CORO2A: variants seen among roughly 807,000 people sequenced by gnomAD.
CORO2A encodes coronin-2A.
Under a neutral mutation model 62.4 loss-of-function variants are expected in CORO2A, and 47 were observed. The ratio of observed to expected loss-of-function variants is 0.75; its 90% CI spans 0.60 to 0.96. The LOEUF is 0.96. Among genes scored for constraint, CORO2A ranks in the 40% least tolerant of loss-of-function variants. CORO2A has a pLI of 0.00. For missense variants in CORO2A, 610 were observed against 684.1 expected (o/e 0.89, Z 1.21); for synonymous variants, 273 against 268.9 (o/e 1.02, Z -0.15).
intron 1 of CORO2A, among the ~76,000 whole-genome samples, chr9:98,187,844 C>G (rs1168158069): frequency 6.6e-6 from 1 of 152,174 alleles, no homozygotes; most frequent in Non-Finnish European, 1.5e-5. Flanking sequence ...ATGTTCCTAC[C>G]CAATTCAAAA....
chr9:98,181,860 G>C (rs536044798), intron 1 of CORO2A, among the ~76,000 whole-genome samples: 1 of 152,034 alleles, frequency 6.6e-6, no homozygotes, highest in Non-Finnish European at 1.5e-5. Flanking sequence ...AAAGGAACCC[G>C]CAACAAAGAA....
intron 2 of CORO2A, among the ~76,000 whole-genome samples, chr9:98,140,942 A>G (rs1478079512): frequency 6.6e-6 from 1 of 152,210 alleles, no homozygotes; most frequent in Non-Finnish European, 1.5e-5. Context: ...AGATTACAGT[A>G]TTATCACAAC....
In CORO2A at chr9:98,128,575, C is replaced by T. The variant is rs865850359; in HGVS notation, c.1080+32G>A. The T allele has an allele frequency of 1.9e-6, 3 of 1,592,342 alleles. No individual in the cohort carries two copies. The South Asian group carries it at 3.3e-5, about 18-fold the overall frequency. ...TGTCTTCTCCAGGACAGGTTCCCCA[C>T]CTGCCTCCCATGCGGTCCCGACTGC... On this transcript the variant is annotated intron_variant, in intron 9 of 11. Coordinates refer to ENST00000375077, the MANE Select transcript of CORO2A (RefSeq NM_052820.4).
intron 1 of CORO2A, among the ~76,000 whole-genome samples, chr9:98,178,711 G>A (rs1828140621): frequency 2.0e-5 from 3 of 152,170 alleles, no homozygotes; most frequent in African/African-American, 4.8e-5. Flanking sequence ...TCTCCACCTG[G>A]CAAATGTGAC....
intron 1 of CORO2A, among the ~76,000 whole-genome samples, chr9:98,157,988 C>G (rs1019640039): frequency 2.6e-5 from 4 of 152,204 alleles, no homozygotes; most frequent in Non-Finnish European, 2.9e-5. Flanking sequence ...TCTGCTGTTT[C>G]ACCAGACAGC....
At chr9:98,144,188 C>T (rs994624330) in intron 2 of CORO2A, among the ~76,000 whole-genome samples, 17 of 129,770 alleles carry the variant, frequency 1.3e-4, no homozygotes, top group Non-Finnish European at 2.3e-4. Flanking sequence ...GATCCTGTTT[C>T]GAAGAAAAAA....
intron 1 of CORO2A, among the ~76,000 whole-genome samples, chr9:98,168,032 T>G (rs1827984694): frequency 6.6e-6 from 1 of 152,222 alleles, no homozygotes; most frequent in African/African-American, 2.4e-5. Context: ...GCCCCGGAGC[T>G]TGACTGTCAG....
intron 1 of CORO2A, among the ~76,000 whole-genome samples, chr9:98,181,167 T>C (rs1412126358): frequency 6.6e-6 from 1 of 151,086 alleles, no homozygotes; most frequent in Non-Finnish European, 1.5e-5. Flanking sequence ...CCCATGTTGC[T>C]TGTGTCCCCC....
chr9:98,180,231 C>T (rs1300707475), intron 1 of CORO2A, among the ~76,000 whole-genome samples: 1 of 152,128 alleles, frequency 6.6e-6, no homozygotes, highest in African/African-American at 2.4e-5. Context: ...CATCGCATCC[C>T]ATATAGGCCT....
intron 5 of CORO2A, 26 bp from the exon 6 acceptor site, chr9:98,132,327 T>A: frequency 6.3e-7 from 1 of 1,591,350 alleles, no homozygotes; most frequent in Non-Finnish European, 8.6e-7. Flanking sequence ...CGGTCGGTAT[T>A]GGAGAGACAG....
At chr9:98,159,438 T>G (rs867366936) in intron 1 of CORO2A, among the ~76,000 whole-genome samples, 3 of 151,950 alleles carry the variant, frequency 2.0e-5, no homozygotes, top group Non-Finnish European at 2.9e-5. Context: ...TCTGGCTGGG[T>G]CTCATTCCAT....
At chr9:98,126,352 T>A (rs1222416965) in intron 11 of CORO2A, among the ~76,000 whole-genome samples, 197 bp downstream of exon 11, 1 of 152,136 alleles carries the variant, frequency 6.6e-6, no homozygotes, top group South Asian at 2.1e-4. Context: ...TCTTTATGTA[T>A]GCCCATCATT....
chr9:98,150,733 T>C (rs1827711560), intron 2 of CORO2A, among the ~76,000 whole-genome samples: 1 of 152,248 alleles, frequency 6.6e-6, no homozygotes, highest in African/African-American at 2.4e-5. Context: ...GCAGTTTGTT[T>C]GGTGGACGTA....
chr9:98,137,091 C>A (rs1474562131), intron 3 of CORO2A, among the ~76,000 whole-genome samples: 1 of 152,050 alleles, frequency 6.6e-6, no homozygotes, highest in African/African-American at 2.4e-5. Context: ...GGGATGATAA[C>A]CCTGGTACAG....
At chr9:98,138,237 A>T (rs1006092530) in intron 2 of CORO2A, among the ~76,000 whole-genome samples, 1 of 151,756 alleles carries the variant, frequency 6.6e-6, no homozygotes, top group African/African-American at 2.4e-5. Flanking sequence ...CAACATGGTG[A>T]AACCCTGTCT....
intron 10 of CORO2A, among the ~76,000 whole-genome samples, chr9:98,127,658 C>T (rs751259744): frequency 2.6e-5 from 4 of 151,544 alleles, no homozygotes; most frequent in African/African-American, 7.3e-5. Context: ...ACTAAAAATA[C>T]GAAAAATTAG....
Position 98,133,945 on chromosome 9 carries a change from TG to T in CORO2A, c.469-729del, listed in dbSNP as rs544058729. On this transcript the variant is annotated intron_variant, in intron 4 of 11. Coordinates refer to ENST00000375077, the MANE Select transcript of CORO2A (RefSeq NM_052820.4). ...AATTTTTTCTATTTTTTTGTAGAGA[TG>T]GGGTCTCACTATGTTGGCTGGTCTC... is the stretch of plus-strand genomic sequence containing the variant. Among the ~76,000 whole-genome samples, 15 of 151,802 alleles carry T rather than the reference TG, an allele frequency of 9.9e-5. No homozygotes were observed. In the East Asian group the frequency reaches 2.9e-3, roughly 29 times the overall value.
chr9:98,164,549 G>T (rs1167023146), intron 1 of CORO2A, among the ~76,000 whole-genome samples: 1 of 152,054 alleles, frequency 6.6e-6, no homozygotes, highest in Non-Finnish European at 1.5e-5. Flanking sequence ...TTCTCACCAG[G>T]CAGGAAGAAA....
intron 1 of CORO2A, among the ~76,000 whole-genome samples, chr9:98,163,728 GT>G: frequency 7.3e-6 from 1 of 137,102 alleles, no homozygotes; most frequent in Non-Finnish European, 1.6e-5. Context: ...GTGTGTGTGT[GT>G]ATGTGTGTGT....
Sources: allele counts gnomAD v4.1 joint callset (sites outside exome capture counted in the v4.1 genomes callset), GRCh38; gene constraint gnomAD v4.1.1; transcripts MANE v1.5; gene names NCBI Gene and HGNC (gene_info 2026-07-23, HGNC 2026-07-21).